SDK1: variants seen among roughly 807,000 people sequenced by gnomAD.
The protein encoded by SDK1 is protein sidekick-1.
SDK1 carries 157 observed loss-of-function variants against 245.5 expected under a neutral mutation model. The observed-to-expected ratio is 0.64, with a 90% CI of 0.56 to 0.73. SDK1 has a LOEUF of 0.73. Ranked by LOEUF, SDK1 falls within the 30% of genes least tolerant of loss-of-function variation. SDK1 has a pLI of 0.00. For missense variants in SDK1, 3,583 were observed against 3,002.3 expected (o/e 1.19, Z -4.52); for synonymous variants, 1,647 against 1,278.5 (o/e 1.29, Z -6.15).
intron 4 of SDK1, among the ~76,000 whole-genome samples, chr7:3,779,280 G>A (rs1218242071): frequency 2.0e-5 from 3 of 152,136 alleles, no homozygotes; most frequent in African/African-American, 7.2e-5. Context: ...TAGGGCTAGA[G>A]TAGTTTAAAA....
At chr7:4,008,885 C>T (rs969736585) in intron 14 of SDK1, among the ~76,000 whole-genome samples, 4 of 152,204 alleles carry the variant, frequency 2.6e-5, no homozygotes, top group African/African-American at 9.6e-5. Flanking sequence ...CTTCGAACCC[C>T]TCCTTTCTGT....
intron 1 of SDK1, among the ~76,000 whole-genome samples, chr7:3,366,329 T>C (rs1781089854): frequency 6.6e-6 from 1 of 152,128 alleles, no homozygotes; most frequent in African/African-American, 2.4e-5. Context: ...TGTAGTAGTC[T>C]ATGGTCTCTG....
At chr7:3,415,840 A>G (rs1159111412) in intron 1 of SDK1, among the ~76,000 whole-genome samples, 9 of 152,006 alleles carry the variant, frequency 5.9e-5, no homozygotes, top group Admixed American at 5.9e-4. Flanking sequence ...GTGAACACAT[A>G]TTTTTGAATG....
intron 1 of SDK1, among the ~76,000 whole-genome samples, chr7:3,582,438 G>A (rs992638972): frequency 1.4e-5 from 2 of 141,504 alleles, no homozygotes; most frequent in African/African-American, 2.7e-5. Flanking sequence ...AGGTAGGTCT[G>A]TCTCAGGTAG....
At chr7:3,457,949 C>G (rs1229431553) in intron 1 of SDK1, among the ~76,000 whole-genome samples, 1 of 152,202 alleles carries the variant, frequency 6.6e-6, no homozygotes, top group Non-Finnish European at 1.5e-5. Flanking sequence ...ATATTTTACT[C>G]TCACACTTGT....
chr7:3,967,121 C>T (rs1162415965), intron 9 of SDK1, among the ~76,000 whole-genome samples, 197 bp from the exon 10 acceptor site: 1 of 152,188 alleles, frequency 6.6e-6, no homozygotes, highest in African/African-American at 2.4e-5. Flanking sequence ...ATTTTCTCTC[C>T]AGGTTGTAAA....
intron 5 of SDK1, among the ~76,000 whole-genome samples, chr7:3,851,422 CTTATA>C (rs1193875144): frequency 7.2e-5 from 11 of 152,168 alleles, no homozygotes; most frequent in African/African-American, 2.6e-4. Context: ...CTAATTTATA[CTTATA>C]TTTTCATAAA....
chr7:4,264,620 G>A (rs1435727842), intron 44 of SDK1, among the ~76,000 whole-genome samples: 1 of 147,884 alleles, frequency 6.8e-6, no homozygotes, highest in Non-Finnish European at 1.5e-5. Context: ...GAGGGAAGCC[G>A]TGTGGACCTC....
intron 13 of SDK1, among the ~76,000 whole-genome samples, chr7:3,985,688 G>T (rs1027660311): frequency 6.6e-6 from 1 of 152,162 alleles, no homozygotes; most frequent in Non-Finnish European, 1.5e-5. Flanking sequence ...CACAATTAAA[G>T]AGAAAACAAG....
At chr7:3,957,578 A>G (rs1781374794) in intron 7 of SDK1, among the ~76,000 whole-genome samples, 1 of 152,202 alleles carries the variant, frequency 6.6e-6, no homozygotes, top group African/African-American at 2.4e-5. Context: ...CATGCTTTTA[A>G]TCAGATCATG....
intron 4 of SDK1, among the ~76,000 whole-genome samples, chr7:3,795,258 A>C (rs1583421202): frequency 6.6e-6 from 1 of 151,286 alleles, no homozygotes; most frequent in African/African-American, 2.4e-5. Flanking sequence ...TGTGGCTGTG[A>C]TTTTTTTTTC....
intron 1 of SDK1, among the ~76,000 whole-genome samples, chr7:3,443,914 G>A (rs1780268943): frequency 6.6e-6 from 1 of 152,228 alleles, no homozygotes; most frequent in South Asian, 2.1e-4. Context: ...TATGACTGAA[G>A]ATGTGAACAC....
chr7:3,367,803 AT>A (rs1387243900), intron 1 of SDK1, among the ~76,000 whole-genome samples: 2 of 152,242 alleles, frequency 1.3e-5, no homozygotes, highest in African/African-American at 2.4e-5. Context: ...AATTCAGTGT[AT>A]TGTTTAGATG....
chr7:3,948,976 C>T (rs769230796), intron 5 of SDK1, among the ~76,000 whole-genome samples: 5 of 152,226 alleles, frequency 3.3e-5, no homozygotes, highest in Non-Finnish European at 7.3e-5. Flanking sequence ...CCTCATCAGC[C>T]ACTTTCACAG....
intron 1 of SDK1, among the ~76,000 whole-genome samples, chr7:3,453,806 A>G (rs1481934132): frequency 6.6e-6 from 1 of 151,726 alleles, no homozygotes; most frequent in Non-Finnish European, 1.5e-5. Context: ...GTCTCAAGCG[A>G]TCCTCCTGGA....
intron 4 of SDK1, among the ~76,000 whole-genome samples, chr7:3,736,729 T>C (rs1360426922): frequency 1.3e-5 from 2 of 152,188 alleles, no homozygotes; most frequent in African/African-American, 4.8e-5. Context: ...TATTGGGATA[T>C]TATTATCAAA....
intron 1 of SDK1, among the ~76,000 whole-genome samples, chr7:3,350,500 G>A (rs1780631294): frequency 6.6e-6 from 1 of 152,108 alleles, no homozygotes; most frequent in Non-Finnish European, 1.5e-5. Flanking sequence ...CAGTCTTCTT[G>A]GTGGTTATTT....
At chr7:3,482,634 G>T (rs528386482) in intron 1 of SDK1, among the ~76,000 whole-genome samples, 21 of 152,270 alleles carry the variant, frequency 1.4e-4, no homozygotes, top group African/African-American at 4.6e-4. Context: ...GCACATTCCT[G>T]CTATCCTACT....
In SDK1 at chr7:4,017,207, G is replaced by A. The variant is rs776452655; in HGVS notation, c.2457G>A (p.Gln819=). The change falls in exon 17 of 45, where the codon CAG becomes CAA. Residue 819 remains glutamine (Q), a synonymous_variant. Coordinates refer to ENST00000404826, the MANE Select transcript of SDK1 (RefSeq NM_152744.4). The stretch of plus-strand genomic sequence containing the variant: ...CTGGCCTTCCCGGAGAGTACCAGCA[G>A]CGGAACATCACCAGCCCGGAGGTGA... ...RLAGLPGEYQ[Q]RNITSPEVNY... 13 of 1,613,740 alleles carry A rather than the reference G, an allele frequency of 8.1e-6. No individual in the cohort carries two copies. Among genetic ancestry groups the A allele is most frequent in the Non-Finnish European group, 1.1e-5 (13 of 1,179,882 alleles).
Sources: gnomAD v4.1 joint callset for allele counts (sites outside exome capture counted in the v4.1 genomes callset) on GRCh38, gnomAD v4.1.1 for gene constraint, MANE v1.5 for transcripts, NCBI Gene and HGNC (gene_info 2026-07-23, HGNC 2026-07-21) for gene names.